The following DNAH9 variants were observed in gnomAD, a reference collection of about 807,000 sequenced individuals.
DNAH9 encodes the protein DNAH9 variant protein.
DNAH9 carries 345 observed loss-of-function variants against 471.6 expected under a neutral mutation model. That is an observed-to-expected ratio of 0.73 (90% CI 0.67 to 0.80). DNAH9 has a LOEUF of 0.80. DNAH9 is among the 30% of genes least tolerant of loss of function. The pLI, the probability that DNAH9 is intolerant of heterozygous loss-of-function variation, is 0.00. For missense variants in DNAH9, 5,407 were observed against 5,609.2 expected (o/e 0.96, Z 1.15); for synonymous variants, 2,093 against 2,123.6 (o/e 0.99, Z 0.40).
intron 49 of DNAH9, among the ~76,000 whole-genome samples, chr17:11,844,622 G>C (rs961920341): frequency 6.6e-6 from 1 of 152,110 alleles, no homozygotes; most frequent in South Asian, 2.1e-4. Context: ...GGCCAGGCTG[G>C]TCTCAAACTC....
At position 11,768,644 on chromosome 17, in the gene DNAH9, G is replaced by A; in HGVS notation, c.7344+18G>A. 2 of 1,609,896 alleles carry A rather than the reference G, an allele frequency of 1.2e-6. No homozygotes were observed. The highest frequency in any genetic ancestry group is 8.5e-7 in the Non-Finnish European group (1 of 1,176,830). On this transcript the variant is annotated intron_variant, in intron 37 of 68. Transcript: ENST00000262442. ...CCTTGCAGGTGAGTGCAGCTGAGCAGCCGAGGACGTGCGTGCAGTTGCCCT... is the reference window on the plus strand; with the variant it reads ...CCTTGCAGGTGAGTGCAGCTGAGCAACCGAGGACGTGCGTGCAGTTGCCCT...
chr17:11,662,937 A>G lies in DNAH9; in HGVS notation c.2596-1896A>G, dbSNP rs369556902. ...TGCCTGGCTAATTTTTTGTATTTTT[A>G]GTAGAGACGGGGTTTCACCGTTTTA... On this transcript the variant is annotated intron_variant, in intron 14 of 68. Coordinates refer to ENST00000262442, the MANE Select transcript of DNAH9 (RefSeq NM_001372.4). 2.1e-4 allele frequency among the ~76,000 whole-genome samples: 31 copies of G among 151,206 alleles called. No homozygotes were observed. The South Asian group carries it at 2.7e-3, about 13-fold the overall frequency.
At chr17:11,693,633 A>T (rs2074375934) in intron 20 of DNAH9, among the ~76,000 whole-genome samples, 1 of 152,172 alleles carries the variant, frequency 6.6e-6, no homozygotes, top group Admixed American at 6.5e-5. Context: ...ATATTGAAAG[A>T]TATGATAGAT....
chr17:11,884,308 G>A lies in DNAH9; in HGVS notation c.10971+558G>A, dbSNP rs539453129. ...TTCCTTTATTTTATAATGTTTGGAA[G>A]GCCCTCGGTCCCCCCTGTGAGGACT... On this transcript the variant is annotated intron_variant, in intron 56 of 68. Coordinates refer to ENST00000262442, the MANE Select transcript of DNAH9 (RefSeq NM_001372.4). 4.2e-5 allele frequency: 9 copies of A among 214,476 alleles called. No individual in the cohort carries two copies. The South Asian group carries it at 6.6e-4, about 16-fold the overall frequency. 13.3% of individuals were successfully genotyped at this position (214,476 alleles called of 1,614,324 possible).
In DNAH9 at chr17:11,969,611, C is replaced by A; in HGVS notation, c.*84C>A. 1 of 1,096,002 alleles carries A rather than the reference C, an allele frequency of 9.1e-7. No individual in the cohort carries two copies. The highest frequency in any genetic ancestry group is 1.3e-6 in the Non-Finnish European group (1 of 783,166). 67.9% of individuals were successfully genotyped at this position (1,096,002 alleles called of 1,614,324 possible). A position where few individuals can be genotyped will look rare whatever the true frequency, so the allele number is the denominator to read the frequency against. Reference sequence around the variant, plus strand: ...CAGGTGGGTGAAGGGTCACCACAGACACTTAGAACGGTAAGAAACCATGAG... The same window carrying A: ...CAGGTGGGTGAAGGGTCACCACAGAAACTTAGAACGGTAAGAAACCATGAG... On this transcript the variant is annotated 3_prime_UTR_variant, in exon 69 of 69. Coordinates refer to ENST00000262442, the MANE Select transcript of DNAH9 (RefSeq NM_001372.4).
intron 50 of DNAH9, among the ~76,000 whole-genome samples, chr17:11,864,859 G>C (rs1324419225): frequency 3.3e-5 from 5 of 151,000 alleles, no homozygotes; most frequent in Admixed American, 1.3e-4. Flanking sequence ...GCCTTTTTTT[G>C]TTTTCCATTT....
rs750975269 is a variant in DNAH9 at position 11,694,405 on chromosome 17, C to T, written c.4830C>T (p.Ser1610=). ...AFPRFYFLSS[S]DLLDILSNGT... ...CGCGGTTTTACTTTCTCTCCTCCTC[C>T]GATCTGTTAGACATCCTTTCCAACG... Residue 1610 remains serine (S), a synonymous_variant, in exon 22 of 69, where the codon TCC becomes TCT. Transcript: ENST00000262442. 1.5e-5 allele frequency: 25 copies of T among 1,613,254 alleles called. No individual in the cohort carries two copies. Among genetic ancestry groups the T allele is most frequent in the South Asian group, 8.8e-5 (8 of 91,008 alleles).
chr17:11,902,505 G>A (rs763287204), intron 59 of DNAH9, among the ~76,000 whole-genome samples: 52 of 152,118 alleles, frequency 3.4e-4, no homozygotes, highest in Admixed American at 1.7e-3. Context: ...CATTTTATGC[G>A]CTAAATCTTG....
chr17:11,837,649 T>C (rs1970891678), intron 49 of DNAH9, among the ~76,000 whole-genome samples: 2 of 152,204 alleles, frequency 1.3e-5, no homozygotes, highest in Admixed American at 1.3e-4. Flanking sequence ...GAGTAATCTT[T>C]TTGTAAAACA....
intron 43 of DNAH9, among the ~76,000 whole-genome samples, chr17:11,805,677 C>T (rs1026426079): frequency 3.3e-5 from 5 of 151,476 alleles, no homozygotes; most frequent in Non-Finnish European, 5.9e-5. Context: ...GCCTCAGCTG[C>T]CCTAGCAGGT....
At chr17:11,794,198 C>T (rs1969165377) in intron 42 of DNAH9, among the ~76,000 whole-genome samples, 1 of 151,936 alleles carries the variant, frequency 6.6e-6, no homozygotes, top group African/African-American at 2.4e-5. Context: ...GCACCCGCCA[C>T]CACACCTGGC....
At chr17:11,726,381 T>C (rs2075151883) in intron 27 of DNAH9, among the ~76,000 whole-genome samples, 1 of 152,160 alleles carries the variant, frequency 6.6e-6, no homozygotes, top group Non-Finnish European at 1.5e-5. Context: ...TCAGGGCCCT[T>C]AAACGCTAAT....
At chr17:11,800,791 C>T (rs1280550067) in intron 43 of DNAH9, among the ~76,000 whole-genome samples, 2 of 152,196 alleles carry the variant, frequency 1.3e-5, no homozygotes, top group Non-Finnish European at 2.9e-5. Flanking sequence ...ACTCATCCAA[C>T]ATATATTTAT....
At chr17:11,762,942 G>T (rs529209531) in intron 35 of DNAH9, among the ~76,000 whole-genome samples, 190 of 151,790 alleles carry the variant, frequency 1.3e-3, no homozygotes, top group Non-Finnish European at 2.2e-3. Flanking sequence ...ACCGTGCCCG[G>T]CTAATTTTTT....
chr17:11,797,943 C>A, intron 43 of DNAH9, 150 bp downstream of exon 43: 2 of 757,272 alleles, frequency 2.6e-6, no homozygotes, highest in Non-Finnish European at 4.2e-6. Flanking sequence ...GGCAGAGCAG[C>A]TGCAGCTCCT....
intron 45 of DNAH9, among the ~76,000 whole-genome samples, chr17:11,813,641 A>G (rs1969997906): frequency 6.6e-6 from 1 of 152,160 alleles, no homozygotes; most frequent in Non-Finnish European, 1.5e-5. Flanking sequence ...TCCCAAAAAC[A>G]TCTCCCTTGG....
intron 27 of DNAH9, among the ~76,000 whole-genome samples, chr17:11,726,386 G>A (rs746827141): frequency 3.0e-4 from 45 of 152,244 alleles, no homozygotes; most frequent in African/African-American, 8.2e-4. Flanking sequence ...GCCCTTAAAC[G>A]CTAATACAAA....
chr17:11,763,625 A>G lies in DNAH9; in HGVS notation c.7170+11A>G, dbSNP rs1403012784. On this transcript the variant is annotated intron_variant, in intron 36 of 68. Transcript: ENST00000262442. ...ATGGTCCAAGATCAGGTAAGGAGAT[A>G]TGTTGAGCTCAACAACCACACTGAA... 7 of 1,612,858 alleles carry G rather than the reference A, an allele frequency of 4.3e-6. No homozygotes were observed. Among genetic ancestry groups the G allele is most frequent in the African/African-American group, 1.3e-5 (1 of 74,904 alleles).
intron 49 of DNAH9, among the ~76,000 whole-genome samples, chr17:11,849,240 C>T (rs1971329188): frequency 6.6e-6 from 1 of 152,160 alleles, no homozygotes; most frequent in Admixed American, 6.5e-5. Flanking sequence ...CTGGACCAAG[C>T]CACCTTCAGT....
Sources: allele counts gnomAD v4.1 joint callset (sites outside exome capture counted in the v4.1 genomes callset), GRCh38; gene constraint gnomAD v4.1.1; transcripts MANE v1.5; gene names NCBI Gene and HGNC (gene_info 2026-07-23, HGNC 2026-07-21).